The following KCNS3 variants were observed in gnomAD, a reference collection of about 807,000 sequenced individuals.
The protein encoded by KCNS3 is potassium voltage-gated channel modifier subfamily S member 3, also known as delayed-rectifier potassium channel regulatory subunit KCNS3.
Under a neutral mutation model 31.0 loss-of-function variants are expected in KCNS3, and 13 were observed. That is an observed-to-expected ratio of 0.42 (90% confidence interval 0.27 to 0.67). The LOEUF is 0.67. Among genes scored for constraint, KCNS3 ranks in the 30% least tolerant of loss-of-function variants. The pLI is 0.25. For missense variants in KCNS3, 545 were observed against 622.4 expected, an observed-to-expected ratio of 0.88 and a Z score of 1.32; for synonymous variants, 238 against 241.5, an observed-to-expected ratio of 0.99 and a Z score of 0.13.
At chr2:17,888,420 T>C (rs1661742185) in intron 1 of KCNS3, among the ~76,000 whole-genome samples, 1 of 151,716 alleles carries the variant, frequency 6.6e-6, no homozygotes, top group Admixed American at 6.6e-5. Flanking sequence ...AATTTCATTC[T>C]CCTACAGGTG....
At chr2:17,893,044 G>T (rs962209060) in intron 1 of KCNS3, among the ~76,000 whole-genome samples, 10 of 152,196 alleles carry the variant, frequency 6.6e-5, no homozygotes, top group Admixed American at 6.5e-4. Context: ...ACCATCAGGT[G>T]GGGGTAGGGC....
intron 1 of KCNS3, among the ~76,000 whole-genome samples, chr2:17,898,279 C>A (rs1290796114): frequency 7.1e-6 from 1 of 141,726 alleles, no homozygotes; most frequent in African/African-American, 2.6e-5. Flanking sequence ...ATTGCTTTGG[C>A]TATTCAGGCT....
chr2:17,925,258 C>T (rs1002437259), intron 2 of KCNS3, among the ~76,000 whole-genome samples: 3 of 152,128 alleles, frequency 2.0e-5, no homozygotes, highest in African/African-American at 4.8e-5. Flanking sequence ...AGCTTACCAG[C>T]GTCAACATCA....
At chr2:17,880,826 C>T (rs889573557) in intron 1 of KCNS3, among the ~76,000 whole-genome samples, 1 of 152,158 alleles carries the variant, frequency 6.6e-6, no homozygotes, top group African/African-American at 2.4e-5. Context: ...ACTGCAGCTC[C>T]CTCCTGTCTT....
intron 1 of KCNS3, among the ~76,000 whole-genome samples, chr2:17,915,641 T>A (rs1572497131): frequency 6.6e-6 from 1 of 152,158 alleles, no homozygotes; most frequent in South Asian, 2.1e-4. Flanking sequence ...ATACCACTTA[T>A]AATGGCTGAG....
intron 1 of KCNS3, among the ~76,000 whole-genome samples, chr2:17,898,371 T>A (rs1438729546): frequency 6.6e-6 from 1 of 152,124 alleles, no homozygotes; most frequent in African/African-American, 2.4e-5. Context: ...AGGAATAGCA[T>A]TGAATCTATC....
chr2:17,883,907 C>T (rs181903140), intron 1 of KCNS3, among the ~76,000 whole-genome samples: 15 of 152,022 alleles, frequency 9.9e-5, no homozygotes, highest in African/African-American at 2.2e-4. Context: ...ACGTATACAC[C>T]GTGGAATACT....
chr2:17,931,074 G>C lies in KCNS3; in HGVS notation c.66G>C (p.Gly22=), dbSNP rs754062428. Reference sequence around the variant, plus strand: ...AGGAACTTGTCAACCTGAATGTGGGGGGCTTTAAGCAGTCTGTTGACCAAA... The same window carrying C: ...AGGAACTTGTCAACCTGAATGTGGGCGGCTTTAAGCAGTCTGTTGACCAAA... ...QDEELVNLNV[G]GFKQSVDQST... The change falls in exon 3 of 3, where the codon GGG becomes GGC. Residue 22 remains glycine (G), a synonymous_variant. Coordinates refer to ENST00000304101, the MANE Select transcript of KCNS3 (RefSeq NM_002252.5). This position sits in a 1 kb window ranked among gnomAD's most constrained non-coding sequence, Gnocchi z 5.4. 6.2e-7 allele frequency: 1 copy of C among 1,614,068 alleles called. No individual in the cohort carries two copies. The highest frequency in any genetic ancestry group is 8.5e-7 in the Non-Finnish European group (1 of 1,179,996).
chr2:17,878,383 C>A (rs1377114963), upstream of KCNS3, among the ~76,000 whole-genome samples: 14 of 151,868 alleles, frequency 9.2e-5, no homozygotes, highest in Admixed American at 9.2e-4. Context: ...CAGCGCCTGC[C>A]GCTCCGGGGT....
At chr2:17,886,342 T>C (rs1572477126) in intron 1 of KCNS3, among the ~76,000 whole-genome samples, 1 of 152,232 alleles carries the variant, frequency 6.6e-6, no homozygotes, top group South Asian at 2.1e-4. Flanking sequence ...GAGAACTTCA[T>C]GGTTGAATAC....
At chr2:17,892,516 G>T (rs1381701370) in intron 1 of KCNS3, among the ~76,000 whole-genome samples, 4 of 152,106 alleles carry the variant, frequency 2.6e-5, no homozygotes, top group African/African-American at 7.2e-5. Flanking sequence ...GCCTTGTTTT[G>T]TTATAGTACC....
intron 1 of KCNS3, among the ~76,000 whole-genome samples, chr2:17,893,950 T>G (rs1661923044): frequency 6.7e-6 from 1 of 148,196 alleles, no homozygotes; most frequent in Non-Finnish European, 1.5e-5. Flanking sequence ...GTTTTTTTTT[T>G]TTTTTTTTTT....
intron 2 of KCNS3, among the ~76,000 whole-genome samples, chr2:17,923,984 C>T (rs1417498997): frequency 3.3e-5 from 5 of 151,908 alleles, no homozygotes; most frequent in Admixed American, 1.3e-4. Flanking sequence ...ATAAATCTTT[C>T]AATCCGTGAA....
chr2:17,903,826 A>G (rs1238462752), intron 1 of KCNS3, among the ~76,000 whole-genome samples: 2 of 152,130 alleles, frequency 1.3e-5, no homozygotes, highest in African/African-American at 2.4e-5. Flanking sequence ...CATGGTGTAT[A>G]TGTGCCACAT....
chr2:17,920,683 T>C (rs997343315), intron 2 of KCNS3, among the ~76,000 whole-genome samples: 22 of 152,204 alleles, frequency 1.4e-4, no homozygotes, highest in African/African-American at 5.3e-4. Flanking sequence ...GGAGAATCAA[T>C]ACAGTGAAGC....
intron 1 of KCNS3, among the ~76,000 whole-genome samples, chr2:17,908,457 A>G (rs914562127): frequency 2.0e-5 from 3 of 151,846 alleles, no homozygotes; most frequent in South Asian, 2.1e-4. Context: ...TCTTTTCTCA[A>G]CTCGTCAAAG....
At chr2:17,923,726 A>C (rs1662773631) in intron 2 of KCNS3, among the ~76,000 whole-genome samples, 1 of 151,924 alleles carries the variant, frequency 6.6e-6, no homozygotes, top group Non-Finnish European at 1.5e-5. Flanking sequence ...TTTATCGAAA[A>C]GACTCTTCTT....
chr2:17,894,807 G>C (rs926717486), intron 1 of KCNS3, among the ~76,000 whole-genome samples: 1 of 152,148 alleles, frequency 6.6e-6, no homozygotes, highest in Non-Finnish European at 1.5e-5. Flanking sequence ...CTTGTTGGAG[G>C]GTGTGGGTGT....
intron 1 of KCNS3, among the ~76,000 whole-genome samples, chr2:17,891,661 G>T (rs1331084284): frequency 6.6e-6 from 1 of 152,122 alleles, no homozygotes; most frequent in East Asian, 1.9e-4. Context: ...GTCTCAAAAA[G>T]ACTATCTTTT....
Sources: allele counts gnomAD v4.1 joint callset (sites outside exome capture counted in the v4.1 genomes callset), GRCh38; gene constraint gnomAD v4.1.1; non-coding constraint Gnocchi (gnomAD v3.1); transcripts MANE v1.5; gene names NCBI Gene and HGNC (gene_info 2026-07-23, HGNC 2026-07-21).